Variants in COG2 observed in about 807,000 individuals in gnomAD.
COG2 encodes the protein conserved oligomeric Golgi complex subunit 2.
In COG2, 52 loss-of-function variants were observed where a neutral mutation model predicts 90.6. That is an observed-to-expected ratio of 0.57 (90% CI 0.46 to 0.72). The LOEUF (loss-of-function observed/expected upper bound fraction) is 0.72. COG2 is among the 30% of genes least tolerant of loss of function. COG2 has a pLI of 0.00. For synonymous variants in COG2, 337 were observed against 320.4 expected, an observed-to-expected ratio of 1.05 and a Z score of -0.55; for missense variants, 829 against 891.2, an observed-to-expected ratio of 0.93 and a Z score of 0.89.
At chr1:230,678,785 C>G (rs755985391) in intron 9 of COG2, 128 bp from the exon 10 acceptor site, 2 of 1,556,130 alleles carry the variant, frequency 1.3e-6, no homozygotes, top group African/African-American at 2.7e-5. Flanking sequence ...CTTGTAAGTT[C>G]CTTGTTAACT....
intron 15 of COG2, among the ~76,000 whole-genome samples, chr1:230,689,521 A>G (rs529039553): frequency 9.8e-5 from 15 of 152,364 alleles, no homozygotes; most frequent in African/African-American, 3.4e-4. Flanking sequence ...AACCAGAGCT[A>G]AGAAAGGTTA....
chr1:230,692,690 T>C (rs1436103706), intron 17 of COG2, among the ~76,000 whole-genome samples: 1 of 152,098 alleles, frequency 6.6e-6, no homozygotes, highest in African/African-American at 2.4e-5. Context: ...CACAAAATGC[T>C]GACAGAGACT....
intron 9 of COG2, chr1:230,678,337 C>T (rs1998997): frequency 0.6 from 594,553 of 985,080 alleles, 180,517 homozygotes; most frequent in East Asian, 0.9. Context: ...GGTAGTTGCC[C>T]TGTGGGGTCG....
At chr1:230,650,878 G>A (rs959539107) in intron 1 of COG2, among the ~76,000 whole-genome samples, 1 of 152,044 alleles carries the variant, frequency 6.6e-6, no homozygotes, top group African/African-American at 2.4e-5. Context: ...TTTATATATG[G>A]TGAGAAATAG....
rs138149289 is a variant in COG2 at position 230,690,130 on chromosome 1, C to T, written c.1911C>T (p.Gly637=). The T allele has an allele frequency of 1.2e-4, 197 of 1,613,432 alleles. 1 individual carries two copies. In the African/African-American group the frequency reaches 2.3e-3, roughly 18 times the overall value. The change falls in exon 16 of 18, where the codon GGC becomes GGT. Residue 637 remains glycine, a synonymous_variant. Coordinates refer to ENST00000366669, the MANE Select transcript of COG2 (RefSeq NM_007357.3). ...CAATAATTCAGCAGTGGCTAGAAGG[C>T]ACTCTCAGTGAAAGCACTCATAAGT... ...KQAIIQQWLE[G]TLSESTHKYY...
chr1:230,690,341 G>C, intron 16 of COG2, 188 bp downstream of exon 16: 1 of 505,002 alleles, frequency 2.0e-6, no homozygotes, highest in Non-Finnish European at 3.4e-6. Context: ...ACGGCCTGTG[G>C]GCTGGCTTCC....
chr1:230,679,180 T>C (rs1299854069), intron 10 of COG2, 128 bp downstream of exon 10: 5 of 876,508 alleles, frequency 5.7e-6, no homozygotes, highest in Admixed American at 5.8e-5. Flanking sequence ...GGAGACAAAA[T>C]TGAAAGTGGA....
At chr1:230,675,221 T>C in intron 9 of COG2, 97 bp downstream of exon 9, 2 of 1,393,946 alleles carry the variant, frequency 1.4e-6, no homozygotes, top group Non-Finnish European at 1.9e-6. Flanking sequence ...CTGTGGTTTA[T>C]TAAAAATAAA....
intron 2 of COG2, among the ~76,000 whole-genome samples, 158 bp from the exon 3 acceptor site, chr1:230,660,595 TATAAA>T (rs1159071957): frequency 1.3e-5 from 2 of 152,236 alleles, no homozygotes; most frequent in Non-Finnish European, 2.9e-5. Context: ...CAATATTTAT[TATAAA>T]ATAACATTTG....
At chr1:230,665,310 G>A (rs1361131744) in intron 5 of COG2, among the ~76,000 whole-genome samples, 1 of 152,200 alleles carries the variant, frequency 6.6e-6, no homozygotes, top group Non-Finnish European at 1.5e-5. Flanking sequence ...AACTCCACTT[G>A]CAGGATTGGT....
At chr1:230,646,686 T>C (rs2102739823) in intron 1 of COG2, among the ~76,000 whole-genome samples, 1 of 145,984 alleles carries the variant, frequency 6.9e-6, no homozygotes, top group African/African-American at 2.4e-5. Context: ...AAAACTGAAT[T>C]TGTTGGGGGA....
At position 230,674,629 on chromosome 1, in the gene COG2, A is replaced by G. The variant is rs16852201; in HGVS notation, c.900-369A>G. On this transcript the variant is annotated intron_variant, in intron 8 of 17. Transcript: ENST00000366669. ...CTGTGTGGTTTAGTGGTGTTCAGTA[A>G]TGTGAAGGTTATTTTTCCTGTGGTA... Among the ~76,000 whole-genome samples, 5 of 152,196 alleles carry G rather than the reference A, an allele frequency of 3.3e-5. No individual in the cohort carries two copies. In the East Asian group the frequency reaches 9.6e-4, roughly 29 times the overall value.
At chr1:230,688,608 GT>G in intron 15 of COG2, 46 bp downstream of exon 15, 1 of 1,605,680 alleles carries the variant, frequency 6.2e-7, no homozygotes, top group Non-Finnish European at 8.5e-7. Flanking sequence ...GGAAGTGTGT[GT>G]TAGGAAAGCC....
chr1:230,680,721 GT>G (rs1225307109), intron 10 of COG2: 1 of 152,180 alleles, frequency 6.6e-6, no homozygotes, highest in Non-Finnish European at 1.5e-5. Flanking sequence ...TTACGGAAGT[GT>G]AGAACTTGTC....
At chr1:230,682,632 TCAGA>T (rs1475457333) in intron 10 of COG2, 2 of 152,234 alleles carry the variant, frequency 1.3e-5, no homozygotes, top group Non-Finnish European at 2.9e-5. Context: ...TTTTTACTCT[TCAGA>T]CAGTTGCCTT....
At chr1:230,653,970 A>G (rs984090204) in intron 1 of COG2, among the ~76,000 whole-genome samples, 1 of 152,032 alleles carries the variant, frequency 6.6e-6, no homozygotes, top group African/African-American at 2.4e-5. Context: ...TGTATTGGAG[A>G]TTAAATTTTC....
chr1:230,683,567 A>G lies in COG2; in HGVS notation c.1167-7A>G. ...AACATTAATTCTTCTTCTTGTTTTT[A>G]TCTCAGATTTAGAGAAATAGCGGGA... is the stretch of plus-strand genomic sequence containing the variant. On this transcript the variant is annotated splice_polypyrimidine_tract_variant and splice_region_variant and intron_variant, in intron 10 of 17. Transcript: ENST00000366669. 3 of 1,603,056 alleles carry G rather than the reference A, an allele frequency of 1.9e-6. No individual in the cohort carries two copies. Among genetic ancestry groups the G allele is most frequent in the East Asian group, 2.2e-5 (1 of 44,778 alleles).
At chr1:230,687,891 A>G in intron 13 of COG2, 180 bp from the exon 14 acceptor site, 1 of 550,392 alleles carries the variant, frequency 1.8e-6, no homozygotes, top group South Asian at 2.6e-5. Flanking sequence ...CATGTTGTTG[A>G]AATCTTTTTA....
At chr1:230,692,819 C>G (rs576868834) in intron 17 of COG2, among the ~76,000 whole-genome samples, 1 of 150,410 alleles carries the variant, frequency 6.6e-6, no homozygotes, top group African/African-American at 2.5e-5. Context: ...AAAGTGGGAA[C>G]GTAGTGTGCC....
Sources: gnomAD v4.1 joint callset for allele counts (sites outside exome capture counted in the v4.1 genomes callset) on GRCh38, gnomAD v4.1.1 for gene constraint, MANE v1.5 for transcripts, NCBI Gene and HGNC (gene_info 2026-07-23, HGNC 2026-07-21) for gene names.